Variants in PIK3AP1 observed in about 807,000 individuals in gnomAD.
PIK3AP1 encodes the protein phosphoinositide-3-kinase adaptor protein 1.
Under a neutral mutation model 88.1 loss-of-function variants are expected in PIK3AP1, and 21 were observed. The observed-to-expected ratio is 0.24, with a 90% CI of 0.17 to 0.34. PIK3AP1 has a LOEUF of 0.34. Among genes scored for constraint, PIK3AP1 ranks in the 10% least tolerant of loss-of-function variants. PIK3AP1 has a pLI of 1.00. For missense variants in PIK3AP1, 828 were observed against 1,035.7 expected (o/e 0.80, Z 2.75); for synonymous variants, 398 against 400.0 (o/e 1.00, Z 0.06).
chr10:96,665,051 G>C (rs185049949), intron 2 of PIK3AP1, among the ~76,000 whole-genome samples: 9 of 152,246 alleles, frequency 5.9e-5, no homozygotes, highest in Non-Finnish European at 1.3e-4. Context: ...GCTGTCCTGA[G>C]ACTCGAATAA....
chr10:96,603,790 C>G, intron 15 of PIK3AP1, 189 bp downstream of exon 15: 1 of 561,264 alleles, frequency 1.8e-6, no homozygotes, highest in Non-Finnish European at 3.1e-6. Flanking sequence ...CCCATTCCTC[C>G]TCCCTCCAGC....
intron 2 of PIK3AP1, among the ~76,000 whole-genome samples, chr10:96,681,664 G>T (rs1241516160): frequency 1.3e-5 from 2 of 152,318 alleles, no homozygotes; most frequent in Middle Eastern, 3.4e-3. Flanking sequence ...CACCGAACCG[G>T]AGGCTGCTGT....
At chr10:96,637,072 T>G (rs1385842253) in intron 8 of PIK3AP1, among the ~76,000 whole-genome samples, 2 of 152,116 alleles carry the variant, frequency 1.3e-5, no homozygotes, top group Non-Finnish European at 2.9e-5. Flanking sequence ...TTTCAAACCC[T>G]GAAAGTAGGC....
intron 2 of PIK3AP1, among the ~76,000 whole-genome samples, chr10:96,665,769 A>G (rs1843752296): frequency 6.6e-6 from 1 of 152,190 alleles, no homozygotes; most frequent in Non-Finnish European, 1.5e-5. Flanking sequence ...TACTGAGGAA[A>G]GAAGGGGGCA....
At chr10:96,640,604 C>T (rs1375489400) in intron 8 of PIK3AP1, among the ~76,000 whole-genome samples, 2 of 152,040 alleles carry the variant, frequency 1.3e-5, no homozygotes, top group African/African-American at 4.8e-5. Context: ...TTAATAAAGA[C>T]ATTTTATCTC....
At chr10:96,706,700 T>G (rs918066675) in intron 2 of PIK3AP1, among the ~76,000 whole-genome samples, 2 of 152,178 alleles carry the variant, frequency 1.3e-5, no homozygotes, top group Non-Finnish European at 2.9e-5. Context: ...AGCCGGGTAA[T>G]GCAGTGTCCC....
At chr10:96,628,603 TC>T in intron 8 of PIK3AP1, 110 bp from the exon 9 acceptor site, 1 of 885,340 alleles carries the variant, frequency 1.1e-6, no homozygotes, top group Admixed American at 2.0e-5. Flanking sequence ...ATTCAAGCAT[TC>T]ATCAATCTAT....
chr10:96,652,200 G>A (rs115022225), intron 4 of PIK3AP1, among the ~76,000 whole-genome samples: 2,243 of 151,964 alleles, frequency 0.015, 62 homozygotes, highest in African/African-American at 0.051. Context: ...GAGGAAATGC[G>A]ACAACAGAGA....
chr10:96,602,453 A>G, intron 15 of PIK3AP1, 55 bp from the exon 16 acceptor site: 2 of 1,457,910 alleles, frequency 1.4e-6, no homozygotes, highest in East Asian at 2.3e-5. Flanking sequence ...CAACCAGCAT[A>G]GCTGGACAAC....
intron 8 of PIK3AP1, among the ~76,000 whole-genome samples, chr10:96,643,717 C>T (rs1031990817): frequency 6.6e-6 from 1 of 152,230 alleles, no homozygotes; most frequent in Non-Finnish European, 1.5e-5. Context: ...CTCTGACCAA[C>T]CTATGCCTTC....
intron 2 of PIK3AP1, among the ~76,000 whole-genome samples, chr10:96,676,631 A>C (rs1843924275): frequency 6.7e-6 from 1 of 149,218 alleles, no homozygotes; most frequent in African/African-American, 2.5e-5. Flanking sequence ...GGTCACCAAA[A>C]ACACACACGG....
chr10:96,699,773 G>C (rs1423854077), intron 2 of PIK3AP1, among the ~76,000 whole-genome samples: 3 of 152,166 alleles, frequency 2.0e-5, no homozygotes, highest in African/African-American at 7.2e-5. Flanking sequence ...GTGTGACTTT[G>C]GGCAAGTCAC....
chr10:96,715,149 A>T (rs1844485868), intron 1 of PIK3AP1, among the ~76,000 whole-genome samples: 1 of 152,130 alleles, frequency 6.6e-6, no homozygotes, highest in Non-Finnish European at 1.5e-5. Context: ...CTGGCACTTT[A>T]CCTCTGTGGT....
At chr10:96,669,636 C>T (rs1843814583) in intron 2 of PIK3AP1, 1 of 151,930 alleles carries the variant, frequency 6.6e-6, no homozygotes, top group South Asian at 2.1e-4. Flanking sequence ...ACCAAAAATA[C>T]AAAAAATTAG....
chr10:96,713,503 TAAAAAAAAAAA>T (rs566830672), intron 1 of PIK3AP1, among the ~76,000 whole-genome samples: 2 of 84,932 alleles, frequency 2.4e-5, no homozygotes, highest in African/African-American at 9.3e-5. Context: ...GACTCCGTCT[TAAAAAAAAAAA>T]AAAAAAAAAA....
At chr10:96,628,887 T>TAC (rs1564961205) in intron 8 of PIK3AP1, among the ~76,000 whole-genome samples, 1 of 40,964 alleles carries the variant, frequency 2.4e-5, no homozygotes, top group African/African-American at 9.5e-5. Context: ...TATATATATA[T>TAC]ACATATATAT....
In PIK3AP1 at chr10:96,638,969, C is replaced by T. The variant is rs763170178; in HGVS notation, c.1375+6504G>A. ...AAATATTTTTGAATGAATGAATGAA[C>T]GAACTAATAAAGGAAAAACAAATGA... is the stretch of plus-strand genomic sequence containing the variant. On this transcript the variant is annotated intron_variant, in intron 8 of 16. Coordinates refer to ENST00000339364, the MANE Select transcript of PIK3AP1 (RefSeq NM_152309.3). Among the ~76,000 whole-genome samples the T allele has an allele frequency of 3.4e-4, 52 of 151,768 alleles. 1 individual carries two copies. Among genetic ancestry groups the T allele is most frequent in the African/African-American group, 1.1e-3 (47 of 41,232 alleles).
chr10:96,709,471 AGT>A (rs1171355649), intron 2 of PIK3AP1, 94 bp downstream of exon 2: 1 of 1,406,256 alleles, frequency 7.1e-7, no homozygotes, highest in Non-Finnish European at 9.7e-7. Context: ...CTCTTAACAT[AGT>A]GAGATCCCCG....
chr10:96,683,921 G>A (rs1323766183), intron 2 of PIK3AP1, among the ~76,000 whole-genome samples: 1 of 152,208 alleles, frequency 6.6e-6, no homozygotes, highest in Non-Finnish European at 1.5e-5. Flanking sequence ...ACATGGCTGT[G>A]CTACTCATTG....
Sources: allele counts gnomAD v4.1 joint callset (sites outside exome capture counted in the v4.1 genomes callset), GRCh38; gene constraint gnomAD v4.1.1; transcripts MANE v1.5; gene names NCBI Gene and HGNC (gene_info 2026-07-23, HGNC 2026-07-21).